The following FBXO34 variants were observed in gnomAD, a reference collection of about 807,000 sequenced individuals.
FBXO34 encodes F-box protein 34, also known as F-box only protein 34.
A neutral mutation model predicts 24.5 loss-of-function variants in FBXO34; 12 were observed. The ratio of observed to expected loss-of-function variants is 0.49; its 90% CI spans 0.31 to 0.79. FBXO34 has a LOEUF of 0.79. Among genes scored for constraint, FBXO34 ranks in the 30% least tolerant of loss-of-function variants. The pLI is 0.04. For missense variants in FBXO34, 823 were observed against 857.7 expected (o/e 0.96, Z 0.51); for synonymous variants, 320 against 311.9 (o/e 1.03, Z -0.27).
downstream of FBXO34, among the ~76,000 whole-genome samples, chr14:55,356,647 A>T (rs946432391): frequency 1.3e-5 from 2 of 150,354 alleles, no homozygotes; most frequent in African/African-American, 2.5e-5. Flanking sequence ...TTTACTAGAG[A>T]TGGGGTTTCA....
At chr14:55,383,768 CAAAA>C in the FBXO34 span, among the ~76,000 whole-genome samples, 1 of 150,400 alleles carries the variant, frequency 6.6e-6, no homozygotes, top group African/African-American at 2.4e-5. Context: ...AATCAAAAAA[CAAAA>C]AAAAACCCAC....
At position 55,351,500 on chromosome 14, in the gene FBXO34, T is replaced by C; in HGVS notation, c.1110T>C (p.Ser370=). The C allele has an allele frequency of 1.9e-6, 3 of 1,614,160 alleles. No homozygotes were observed. The highest frequency in any genetic ancestry group is 1.7e-5 in the Admixed American group (1 of 60,016). The part of the protein sequence containing the change: ...PKEDQAWDGA[S]QDCPPLPAGV... ...AGGACCAGGCCTGGGACGGTGCTTC[T>C]CAGGACTGCCCCCCATTGCCAGCAG... Residue 370 remains serine, a synonymous_variant, in exon 2 of 2, where the codon TCT becomes TCC. Transcript: ENST00000313833.
intron 1 of FBXO34, among the ~76,000 whole-genome samples, chr14:55,346,851 G>A (rs755497509): frequency 3.9e-5 from 6 of 152,178 alleles, no homozygotes; most frequent in Non-Finnish European, 7.3e-5. Flanking sequence ...GCCCTTAGAT[G>A]AGATGCTTCA....
intron 1 of FBXO34, chr14:55,282,653 C>G (rs1881598251): frequency 6.5e-6 from 1 of 152,716 alleles, no homozygotes; most frequent in Admixed American, 6.5e-5. Context: ...TTCTGAGTGA[C>G]TGTAGACAAT....
At chr14:55,296,520 G>T (rs1014488812) in intron 1 of FBXO34, among the ~76,000 whole-genome samples, 2 of 146,890 alleles carry the variant, frequency 1.4e-5, no homozygotes, top group South Asian at 2.3e-4. Context: ...TCAGCCTCCC[G>T]AGTAGCTGGA....
intron 1 of FBXO34, among the ~76,000 whole-genome samples, chr14:55,331,961 C>G (rs866863431): frequency 3.0e-5 from 3 of 98,774 alleles, no homozygotes; most frequent in Non-Finnish European, 4.6e-5. Flanking sequence ...TATACACCAC[C>G]GTGGTGTATA....
rs764638239 is a variant in FBXO34 at position 55,352,445 on chromosome 14, T to C, written c.2055T>C (p.Asn685=). The C allele has an allele frequency of 6.2e-7, 1 of 1,614,138 alleles. No individual in the cohort carries two copies. The highest frequency in any genetic ancestry group is 1.1e-5 in the South Asian group (1 of 91,076). ...GCTGTAAGCTGGGGCTTCATGACAA[T>C]CACTGGGTTCCTGCCTGCCACAGCT... ...FPGCKLGLHD[N]HWVPACHSFN... The change falls in exon 2 of 2, where the codon AAT becomes AAC. Residue 685 remains asparagine, a synonymous_variant. Coordinates refer to ENST00000313833, the MANE Select transcript of FBXO34 (RefSeq NM_017943.4).
the FBXO34 span, chr14:55,411,968 C>T: frequency 1.4e-6 from 1 of 733,808 alleles, no homozygotes; most frequent in African/African-American, 1.8e-5. Context: ...GTCCCGGGCA[C>T]TGTTGTTTTT....
chr14:55,439,469 A>G, the FBXO34 span, among the ~76,000 whole-genome samples: 78,681 of 151,206 alleles, frequency 0.52, 20,640 homozygotes, highest in East Asian at 0.65. Flanking sequence ...CAGCTAGCAC[A>G]ATGCACTCTC....
At chr14:55,440,534 C>G in the FBXO34 span, 5 of 1,604,488 alleles carry the variant, frequency 3.1e-6, no homozygotes, top group Non-Finnish European at 4.3e-6. Context: ...CCGGCCAGGG[C>G]GCAGAGGCCA....
chr14:55,391,055 C>T, the FBXO34 span: 1 of 1,054,890 alleles, frequency 9.5e-7, no homozygotes, highest in East Asian at 2.6e-5. Context: ...TGATTATCTA[C>T]CTGGGATCAC....
At chr14:55,384,723 A>T in the FBXO34 span, among the ~76,000 whole-genome samples, 6 of 152,244 alleles carry the variant, frequency 3.9e-5, no homozygotes, top group Non-Finnish European at 2.9e-5. Context: ...GCAATAGTCC[A>T]GTGAACGTCA....
chr14:55,313,276 T>G (rs1332849727), intron 1 of FBXO34, among the ~76,000 whole-genome samples: 1 of 152,204 alleles, frequency 6.6e-6, no homozygotes, highest in African/African-American at 2.4e-5. Flanking sequence ...CAGTTCTCAA[T>G]AAGTCCTCCT....
At chr14:55,307,067 C>T (rs1882574809) in intron 1 of FBXO34, among the ~76,000 whole-genome samples, 1 of 152,198 alleles carries the variant, frequency 6.6e-6, no homozygotes, top group South Asian at 2.1e-4. Context: ...GAAAGTAAGA[C>T]TGATTGTTCT....
chr14:55,332,638 G>A (rs1279988855), intron 1 of FBXO34, among the ~76,000 whole-genome samples: 1 of 152,178 alleles, frequency 6.6e-6, no homozygotes, highest in African/African-American at 2.4e-5. Context: ...ATTGTCAAAT[G>A]TTTTCATAGG....
At chr14:55,273,712 A>G (rs1881237324) in intron 1 of FBXO34, among the ~76,000 whole-genome samples, 1 of 152,192 alleles carries the variant, frequency 6.6e-6, no homozygotes, top group Non-Finnish European at 1.5e-5. Context: ...ATGCAATTGA[A>G]GGAGGTCCAA....
intron 1 of FBXO34, among the ~76,000 whole-genome samples, chr14:55,337,834 ACTTG>A (rs1019465735): frequency 6.6e-6 from 1 of 152,090 alleles, no homozygotes; most frequent in Non-Finnish European, 1.5e-5. Context: ...TCCACTTACC[ACTTG>A]AAGATAAGCT....
downstream of FBXO34, among the ~76,000 whole-genome samples, chr14:55,374,736 T>C (rs1315339791): frequency 6.6e-6 from 1 of 152,204 alleles, no homozygotes; most frequent in Non-Finnish European, 1.5e-5. Flanking sequence ...TTTTCCCCCA[T>C]ATGAATACCC....
the FBXO34 span, among the ~76,000 whole-genome samples, chr14:55,440,022 C>T: frequency 3.3e-5 from 5 of 151,372 alleles, no homozygotes; most frequent in South Asian, 1.0e-3. Flanking sequence ...ATCGCTTGAA[C>T]CCAGGAGGCG....
Sources: gnomAD v4.1 joint callset for allele counts (sites outside exome capture counted in the v4.1 genomes callset) on GRCh38, gnomAD v4.1.1 for gene constraint, MANE v1.5 for transcripts, NCBI Gene and HGNC (gene_info 2026-07-23, HGNC 2026-07-21) for gene names.